NKAIN2: variants seen among roughly 807,000 people sequenced by gnomAD.
NKAIN2 encodes the protein sodium/potassium transporting ATPase interacting 2.
In NKAIN2, 14 loss-of-function variants were observed where a neutral mutation model predicts 32.6. That is an observed-to-expected ratio of 0.43 (90% CI 0.28 to 0.67). NKAIN2 has a LOEUF of 0.67. Among genes scored for constraint, NKAIN2 ranks in the 30% least tolerant of loss-of-function variants. The probability of loss-of-function intolerance (pLI) is 0.17; values close to 1 mark genes in which losing one functional copy is unlikely to be tolerated. For missense variants in NKAIN2, 198 were observed against 258.3 expected (o/e 0.77, Z 1.60); for synonymous variants, 80 against 87.2 (o/e 0.92, Z 0.46).
chr6:124,181,816 C>A (rs938394392), intron 1 of NKAIN2, among the ~76,000 whole-genome samples: 1 of 152,164 alleles, frequency 6.6e-6, no homozygotes, highest in African/African-American at 2.4e-5. Context: ...TGGTCAAAGC[C>A]ATTCAACAAG....
chr6:124,717,612 A>C (rs1775812634), intron 4 of NKAIN2, among the ~76,000 whole-genome samples: 2 of 152,216 alleles, frequency 1.3e-5, no homozygotes, highest in South Asian at 2.1e-4. Flanking sequence ...TTATAACAAT[A>C]ATAAGCCTTA....
At chr6:123,882,878 T>C (rs998310115) in intron 1 of NKAIN2, among the ~76,000 whole-genome samples, 2 of 152,316 alleles carry the variant, frequency 1.3e-5, no homozygotes, top group African/African-American at 4.8e-5. Flanking sequence ...CATAACTGTT[T>C]CTCATCATGT....
At chr6:124,116,946 G>T (rs138918048) in intron 1 of NKAIN2, among the ~76,000 whole-genome samples, 1 of 151,954 alleles carries the variant, frequency 6.6e-6, no homozygotes, top group African/African-American at 2.4e-5. Context: ...AAGTAGTGAA[G>T]GCATTAGGTA....
At chr6:124,682,645 A>G (rs1773677776) in intron 4 of NKAIN2, among the ~76,000 whole-genome samples, 1 of 152,192 alleles carries the variant, frequency 6.6e-6, no homozygotes, top group African/African-American at 2.4e-5. Context: ...GTGATAAAAT[A>G]CAAACAAAAT....
chr6:124,750,495 AGATGGATGGATGGATGGATGGATG>A (rs56937918), intron 4 of NKAIN2, among the ~76,000 whole-genome samples: 4 of 149,544 alleles, frequency 2.7e-5, no homozygotes, highest in Non-Finnish European at 4.5e-5. Flanking sequence ...CTGGAGGAAG[AGATGGATGGATGGATGGATGGATG>A]GATGGATGGA....
chr6:124,763,237 A>G (rs1778355686), intron 4 of NKAIN2, among the ~76,000 whole-genome samples: 2 of 152,222 alleles, frequency 1.3e-5, no homozygotes, highest in African/African-American at 4.8e-5. Flanking sequence ...TGGTGACTAT[A>G]TGTATAATAT....
At chr6:124,371,381 T>C (rs1212523513) in intron 3 of NKAIN2, among the ~76,000 whole-genome samples, 1 of 152,068 alleles carries the variant, frequency 6.6e-6, no homozygotes, top group Non-Finnish European at 1.5e-5. Flanking sequence ...CCATTGTTTA[T>C]TAATTCCATT....
chr6:124,707,478 T>A (rs945236050), intron 4 of NKAIN2, among the ~76,000 whole-genome samples: 216 of 148,828 alleles, frequency 1.5e-3, no homozygotes, highest in African/African-American at 5.2e-3. Flanking sequence ...GTGTTCCTAT[T>A]TCTCCACATC....
At chr6:124,091,175 G>A (rs1470367842) in intron 1 of NKAIN2, among the ~76,000 whole-genome samples, 1 of 152,014 alleles carries the variant, frequency 6.6e-6, no homozygotes. Context: ...CCTAAGTAAA[G>A]CATTGTAAGA....
chr6:124,105,248 G>T (rs1200552850), intron 1 of NKAIN2, among the ~76,000 whole-genome samples: 1 of 152,164 alleles, frequency 6.6e-6, no homozygotes, highest in Non-Finnish European at 1.5e-5. Context: ...GCCTTTCAGA[G>T]GAGCTTTTGT....
At chr6:123,857,735 A>G (rs906967854) in intron 1 of NKAIN2, among the ~76,000 whole-genome samples, 1 of 150,910 alleles carries the variant, frequency 6.6e-6, no homozygotes, top group Non-Finnish European at 1.5e-5. Flanking sequence ...ATTTCTTAGG[A>G]AAAAAGACCA....
At chr6:124,719,059 G>C (rs900320293) in intron 4 of NKAIN2, among the ~76,000 whole-genome samples, 1 of 152,102 alleles carries the variant, frequency 6.6e-6, no homozygotes, top group Non-Finnish European at 1.5e-5. Context: ...GAGTTTTTCT[G>C]TCTGCTAATT....
At chr6:124,768,811 A>T (rs1778625839) in intron 4 of NKAIN2, among the ~76,000 whole-genome samples, 1 of 152,182 alleles carries the variant, frequency 6.6e-6, no homozygotes, top group Admixed American at 6.5e-5. Context: ...TATGAAAGAA[A>T]AATTTATACT....
intron 1 of NKAIN2, among the ~76,000 whole-genome samples, chr6:124,184,943 A>T (rs1417423608): frequency 6.6e-6 from 1 of 152,174 alleles, no homozygotes; most frequent in South Asian, 2.1e-4. Flanking sequence ...CATAATATAC[A>T]TCTATTTCTA....
chr6:124,429,728 T>G lies in NKAIN2; in HGVS notation c.273+74381T>G, dbSNP rs1775131854. 2.0e-5 allele frequency among the ~76,000 whole-genome samples: 3 copies of G among 152,232 alleles called. No individual in the cohort carries two copies. The South Asian group carries it at 6.2e-4, about 32-fold the overall frequency. ...GGTGCAGTACTTCAGGGGACTTTAT[T>G]GTGTTGGTGCTGGCACTGGTGACAC... On this transcript the variant is annotated intron_variant, in intron 3 of 6. Coordinates refer to ENST00000368417, the MANE Select transcript of NKAIN2 (RefSeq NM_001040214.3).
chr6:124,445,424 G>A (rs1775848305), intron 3 of NKAIN2, among the ~76,000 whole-genome samples: 1 of 151,824 alleles, frequency 6.6e-6, no homozygotes, highest in South Asian at 2.1e-4. Context: ...ATTTTGTATT[G>A]TTGTCTAAAT....
intron 1 of NKAIN2, among the ~76,000 whole-genome samples, chr6:123,862,604 G>A (rs1247471826): frequency 6.6e-6 from 1 of 152,214 alleles, no homozygotes; most frequent in Middle Eastern, 3.4e-3. Context: ...CTGCTCCATA[G>A]TTTATACCCT....
chr6:124,676,647 T>A (rs1773370924), intron 4 of NKAIN2, among the ~76,000 whole-genome samples: 1 of 152,134 alleles, frequency 6.6e-6, no homozygotes, highest in Admixed American at 6.6e-5. Flanking sequence ...TTGCCCAGCC[T>A]AGAATGCAGT....
chr6:124,729,435 T>G (rs1463952727), intron 4 of NKAIN2, among the ~76,000 whole-genome samples: 3 of 151,966 alleles, frequency 2.0e-5, no homozygotes, highest in Non-Finnish European at 4.4e-5. Flanking sequence ...ATCCAGCATA[T>G]AAGCAGAGCC....
Sources: gnomAD v4.1 joint callset for allele counts (sites outside exome capture counted in the v4.1 genomes callset) on GRCh38, gnomAD v4.1.1 for gene constraint, MANE v1.5 for transcripts, NCBI Gene and HGNC (gene_info 2026-07-23, HGNC 2026-07-21) for gene names.